Variants in ARID4B observed in about 807,000 individuals in gnomAD.
ARID4B encodes AT-rich interaction domain 4B.
Under a neutral mutation model 147.5 loss-of-function variants are expected in ARID4B, and 26 were observed. That is an observed-to-expected ratio of 0.18 (90% CI 0.13 to 0.24). The LOEUF is 0.24. Ranked by LOEUF, ARID4B falls within the 10% of genes least tolerant of loss-of-function variation. The pLI is 1.00. For missense variants in ARID4B, 1,179 were observed against 1,511.5 expected, an observed-to-expected ratio of 0.78 and a Z score of 3.65; for synonymous variants, 512 against 507.9, an observed-to-expected ratio of 1.01 and a Z score of -0.11.
At chr1:235,169,925 G>A (rs916254269) in intron 23 of ARID4B, among the ~76,000 whole-genome samples, 5 of 152,170 alleles carry the variant, frequency 3.3e-5, no homozygotes, top group African/African-American at 7.2e-5. Context: ...GCTTCCCTAA[G>A]TGCTGGAATT....
Position 235,168,615 on chromosome 1 carries a change from G to C in ARID4B, c.3849C>G (p.Ser1283=). 2 of 1,614,040 alleles carry C rather than the reference G, an allele frequency of 1.2e-6. No homozygotes were observed. Among genetic ancestry groups the C allele is most frequent in the Non-Finnish European group, 1.7e-6 (2 of 1,179,956 alleles). Residue 1283 remains serine (S), a synonymous_variant, in exon 24 of 24, where the codon TCC becomes TCG. Coordinates refer to ENST00000264183, the MANE Select transcript of ARID4B (RefSeq NM_016374.6). ...ACATAACAGCAGCTGTTATGGAACT[G>C]GATGAAGGTGAAGAGGAGGATGAGG... ...ATSSSSSSPS[S]SSITAAVMLT...
intron 4 of ARID4B, among the ~76,000 whole-genome samples, chr1:235,256,495 C>T (rs942144526): frequency 1.3e-5 from 2 of 152,170 alleles, no homozygotes; most frequent in Admixed American, 6.5e-5. Flanking sequence ...TAGTGGTTTA[C>T]CCACACATTC....
At chr1:235,310,930 C>G (rs1255650510) in intron 2 of ARID4B, among the ~76,000 whole-genome samples, 2 of 152,140 alleles carry the variant, frequency 1.3e-5, no homozygotes, top group Non-Finnish European at 2.9e-5. Context: ...ATCAGCCTAC[C>G]AAACTGCTGG....
At chr1:235,265,683 T>C (rs1017648332) in intron 2 of ARID4B, among the ~76,000 whole-genome samples, 3 of 146,694 alleles carry the variant, frequency 2.0e-5, no homozygotes, top group African/African-American at 7.6e-5. Context: ...TGGGCGACAC[T>C]GAGACCTTGT....
intron 2 of ARID4B, among the ~76,000 whole-genome samples, chr1:235,311,127 G>A (rs1014424212): frequency 6.6e-6 from 1 of 151,926 alleles, no homozygotes; most frequent in African/African-American, 2.4e-5. Context: ...ACAGTTGGTG[G>A]CTGCAATAAT....
chr1:235,265,279 T>A (rs1670532397), intron 2 of ARID4B, among the ~76,000 whole-genome samples: 1 of 151,256 alleles, frequency 6.6e-6, no homozygotes, highest in Non-Finnish European at 1.5e-5. Context: ...AGCAGGAGAA[T>A]CACTTGAACC....
At chr1:235,205,456 A>C (rs1424611772) in intron 17 of ARID4B, among the ~76,000 whole-genome samples, 2 of 152,236 alleles carry the variant, frequency 1.3e-5, no homozygotes, top group African/African-American at 4.8e-5. Context: ...CACATATATC[A>C]TATACAAATA....
At position 235,324,836 on chromosome 1, in the gene ARID4B, A is replaced by G. The variant is rs1338851484; in HGVS notation, c.6+2078T>C. Among the ~76,000 whole-genome samples the G allele has an allele frequency of 3.3e-5, 5 of 152,190 alleles. No individual in the cohort carries two copies. The East Asian group carries it at 9.6e-4, about 29-fold the overall frequency. On this transcript the variant is annotated intron_variant, in intron 2 of 23. Coordinates refer to ENST00000264183, the MANE Select transcript of ARID4B (RefSeq NM_016374.6). ...CAGCTACTCAGGAGGCTGAGGTGGGAGGATTATTTGAGCCCAGGAGGCAGC... is the reference window on the plus strand; with the variant it reads ...CAGCTACTCAGGAGGCTGAGGTGGGGGGATTATTTGAGCCCAGGAGGCAGC...
At chr1:235,197,536 G>A (rs545649851) in intron 17 of ARID4B, among the ~76,000 whole-genome samples, 1 of 152,296 alleles carries the variant, frequency 6.6e-6, no homozygotes, top group East Asian at 1.9e-4. Context: ...CTGTTTATAT[G>A]CTGGAAGATG....
intron 2 of ARID4B, among the ~76,000 whole-genome samples, chr1:235,279,523 A>C (rs1300751693): frequency 4.6e-5 from 7 of 152,264 alleles, no homozygotes. Context: ...TAGCAAAGAA[A>C]TCAGCAATTG....
At chr1:235,304,732 G>A (rs1393013871) in intron 2 of ARID4B, among the ~76,000 whole-genome samples, 1 of 152,084 alleles carries the variant, frequency 6.6e-6, no homozygotes, top group Non-Finnish European at 1.5e-5. Flanking sequence ...TGGTTACCTT[G>A]GAGACTACCC....
chr1:235,182,032 C>T lies in ARID4B; in HGVS notation c.2887G>A (p.Gly963Arg), dbSNP rs372963040. The T allele has an allele frequency of 1.2e-6, 2 of 1,614,134 alleles. No individual in the cohort carries two copies. The highest frequency in any genetic ancestry group is 2.2e-5 in the East Asian group (1 of 44,886). ...GTCTGCAGTGACTCCTCTGCCACCC[C>T]CTCCTCTGGGGCAGGATGCGGTGGG... ...ASPPHPAPEE[G>R]VAEESLQTVA... Residue 963 changes from glycine (G) to arginine (R), a missense_variant, in exon 20 of 24, where the codon GGG (glycine) becomes AGG (arginine). Physicochemically the swap from Gly to Arg is moderately radical, Grantham distance 125. Coordinates refer to ENST00000264183, the MANE Select transcript of ARID4B (RefSeq NM_016374.6).
At chr1:235,214,137 A>T in intron 16 of ARID4B, 111 bp from the exon 17 acceptor site, 1 of 1,325,556 alleles carries the variant, frequency 7.5e-7, no homozygotes, top group Non-Finnish European at 1.0e-6. Flanking sequence ...CAGGAAAAGC[A>T]GGTTCCACGT....
At chr1:235,308,678 T>C (rs371303890) in intron 2 of ARID4B, among the ~76,000 whole-genome samples, 130 of 152,324 alleles carry the variant, frequency 8.5e-4, no homozygotes, top group African/African-American at 2.8e-3. Flanking sequence ...GGCTTCGCTG[T>C]GTTGGCCGGG....
In ARID4B at chr1:235,213,927, ATTG is replaced by A. The variant is rs1666872483; in HGVS notation, c.1680_1682del (p.Asn561del). ...GATAGCACTCAAACTCCTCTTCCTC[ATTG>A]TTGTCATCATCATCTTCATCCTCTT... On this transcript the variant is annotated inframe_deletion, in exon 17 of 24. Transcript: ENST00000264183. 1 of 1,613,184 alleles carries A rather than the reference ATTG, an allele frequency of 6.2e-7. No individual in the cohort carries two copies. The highest frequency in any genetic ancestry group is 8.5e-7 in the Non-Finnish European group (1 of 1,179,430).
chr1:235,246,553 G>GC, intron 6 of ARID4B, 42 bp from the exon 7 acceptor site: 1 of 1,369,288 alleles, frequency 7.3e-7, no homozygotes, highest in Non-Finnish European at 1.0e-6. Flanking sequence ...TTAACACTTT[G>GC]CAAGTGCCTT....
At chr1:235,291,683 A>AAAAAATACT (rs1181463614) in intron 2 of ARID4B, among the ~76,000 whole-genome samples, 1 of 152,120 alleles carries the variant, frequency 6.6e-6, no homozygotes, top group Non-Finnish European at 1.5e-5. Flanking sequence ...TAAAAAATAC[A>AAAAAATACT]AAAAATACTA....
At chr1:235,275,913 G>A (rs969669404) in intron 2 of ARID4B, among the ~76,000 whole-genome samples, 1 of 152,186 alleles carries the variant, frequency 6.6e-6, no homozygotes, top group Non-Finnish European at 1.5e-5. Context: ...AAGGTGGGAG[G>A]ACTGCTTGAG....
At chr1:235,274,741 A>G (rs909843837) in intron 2 of ARID4B, among the ~76,000 whole-genome samples, 6 of 152,224 alleles carry the variant, frequency 3.9e-5, no homozygotes, top group Admixed American at 6.5e-5. Flanking sequence ...TAATTTGTGT[A>G]AAGAATATCT....
Sources: allele counts gnomAD v4.1 joint callset (sites outside exome capture counted in the v4.1 genomes callset), GRCh38; gene constraint gnomAD v4.1.1; transcripts MANE v1.5; gene names NCBI Gene and HGNC (gene_info 2026-07-23, HGNC 2026-07-21).